MAN2A1: variants seen among roughly 807,000 people sequenced by gnomAD.
MAN2A1 encodes the protein mannosidase alpha class 2A member 1.
A neutral mutation model predicts 142.6 loss-of-function variants in MAN2A1; 76 were observed. The ratio of observed to expected loss-of-function variants is 0.53; its 90% CI spans 0.44 to 0.65. MAN2A1 has a LOEUF of 0.65. MAN2A1 is among the 30% of genes least tolerant of loss of function. The pLI is 0.00. For missense variants in MAN2A1, 1,311 were observed against 1,365.1 expected, an observed-to-expected ratio of 0.96 and a Z score of 0.62; for synonymous variants, 559 against 473.2, an observed-to-expected ratio of 1.18 and a Z score of -2.35.
chr5:109,763,027 G>T (rs1444513472), intron 5 of MAN2A1, among the ~76,000 whole-genome samples: 1 of 152,222 alleles, frequency 6.6e-6, no homozygotes, highest in African/African-American at 2.4e-5. Context: ...CCCTTACAGG[G>T]TTACAACAGA....
chr5:109,711,440 T>A (rs1450987143), intron 1 of MAN2A1, among the ~76,000 whole-genome samples: 1 of 69,092 alleles, frequency 1.4e-5, no homozygotes, highest in Non-Finnish European at 2.6e-5. Flanking sequence ...TATATACAGA[T>A]TCATCAACTG....
At chr5:109,763,634 G>A (rs1412770262) in intron 5 of MAN2A1, among the ~76,000 whole-genome samples, 1 of 152,034 alleles carries the variant, frequency 6.6e-6, no homozygotes, top group Non-Finnish European at 1.5e-5. Flanking sequence ...GGACATGGAT[G>A]AAATTGGAAA....
At chr5:109,800,016 A>T (rs969804216) in intron 12 of MAN2A1, among the ~76,000 whole-genome samples, 36 of 147,194 alleles carry the variant, frequency 2.4e-4, no homozygotes, top group Non-Finnish European at 1.5e-5. Flanking sequence ...TGAACCGGGG[A>T]GGTGGAGGTT....
At chr5:109,696,738 G>A (rs984384135) in intron 1 of MAN2A1, among the ~76,000 whole-genome samples, 2 of 152,204 alleles carry the variant, frequency 1.3e-5, no homozygotes, top group African/African-American at 4.8e-5. Context: ...TTGAAACTGT[G>A]TTGGCTGTGG....
intron 4 of MAN2A1, among the ~76,000 whole-genome samples, chr5:109,736,984 G>T (rs1561486247): frequency 6.6e-6 from 1 of 151,146 alleles, no homozygotes; most frequent in East Asian, 1.9e-4. Flanking sequence ...TTTGACTTAG[G>T]TATGTTAGAA....
chr5:109,755,534 T>C, intron 5 of MAN2A1, 78 bp downstream of exon 5: 2 of 1,123,378 alleles, frequency 1.8e-6, no homozygotes, highest in Non-Finnish European at 2.6e-6. Context: ...TCTGTTCTTT[T>C]TTCGAGTAAC....
intron 11 of MAN2A1, among the ~76,000 whole-genome samples, 184 bp from the exon 12 acceptor site, chr5:109,789,276 G>C (rs1753679160): frequency 6.6e-6 from 1 of 151,742 alleles, no homozygotes; most frequent in Non-Finnish European, 1.5e-5. Flanking sequence ...TAAGATGTTA[G>C]TAAGGCAACT....
At chr5:109,855,078 C>A in intron 19 of MAN2A1, 62 bp from the exon 20 acceptor site, 1 of 815,448 alleles carries the variant, frequency 1.2e-6, no homozygotes, top group South Asian at 3.1e-5. Context: ...TCAGATAATT[C>A]TGTTAATATG....
chr5:109,819,549 C>A, intron 13 of MAN2A1, 120 bp from the exon 14 acceptor site: 2 of 539,122 alleles, frequency 3.7e-6, no homozygotes, highest in Non-Finnish European at 6.4e-6. Flanking sequence ...ATATGGAGGG[C>A]CAACTGGATT....
chr5:109,865,111 G>A lies in MAN2A1; in HGVS notation c.3247G>A (p.Gly1083Ser), dbSNP rs1388122360. 6.2e-7 allele frequency: 1 copy of A among 1,613,884 alleles called. No homozygotes were observed. Among genetic ancestry groups the A allele is most frequent in the Non-Finnish European group, 8.5e-7 (1 of 1,179,938 alleles). Residue 1083 changes from glycine to serine, a missense_variant, in exon 21 of 22, where the codon GGC becomes AGC. Around this residue, in one of 3 missense-constraint regions of MAN2A1, gnomAD observed 890 missense variants for 920.5 expected, o/e 0.97. Coordinates refer to ENST00000261483, the MANE Select transcript of MAN2A1 (RefSeq NM_002372.4). ...KGFDCRFSSK[G>S]TGLFCSTTQG... is the part of the protein sequence containing the mutation. ...GTTTGATTGTCGGTTCTCTAGCAAA[G>A]GCACAGGGCTGTTTTGTTCTACTAC... is the stretch of plus-strand genomic sequence containing the variant.
chr5:109,691,073 G>C (rs1582789057), intron 1 of MAN2A1, among the ~76,000 whole-genome samples: 1 of 152,172 alleles, frequency 6.6e-6, no homozygotes, highest in Non-Finnish European at 1.5e-5. Flanking sequence ...TCGTGTTGCG[G>C]CCCTTTTAGA....
intron 12 of MAN2A1, among the ~76,000 whole-genome samples, chr5:109,809,180 A>G (rs1754254004): frequency 6.6e-6 from 1 of 152,176 alleles, no homozygotes; most frequent in Non-Finnish European, 1.5e-5. Flanking sequence ...TTGGTAAGTC[A>G]TCAAGTTATT....
intron 3 of MAN2A1, among the ~76,000 whole-genome samples, chr5:109,717,010 G>A (rs1405035136): frequency 6.7e-6 from 1 of 150,042 alleles, no homozygotes; most frequent in East Asian, 2.0e-4. Context: ...CATAGGATTT[G>A]ATATACATAT....
intron 12 of MAN2A1, among the ~76,000 whole-genome samples, chr5:109,801,304 A>C (rs1448863780): frequency 6.6e-6 from 1 of 152,156 alleles, no homozygotes; most frequent in Non-Finnish European, 1.5e-5. Flanking sequence ...TTTCGTCCAG[A>C]AAGAGGGATG....
rs1751541052 is a variant in MAN2A1 at position 109,719,372 on chromosome 5, TAACAA to T, written c.535+3111_535+3115del. Among the ~76,000 whole-genome samples the T allele has an allele frequency of 5.3e-5, 8 of 152,340 alleles. No homozygotes were observed. In the South Asian group the frequency reaches 1.4e-3, roughly 28 times the overall value. On this transcript the variant is annotated intron_variant, in intron 3 of 21. Coordinates refer to ENST00000261483, the MANE Select transcript of MAN2A1 (RefSeq NM_002372.4). ...TAATAATTTTCACTATTCCTTAACTTAACAAAAGTAAAATATTGACAAATAAATTA... is the reference window on the plus strand; with the variant it reads ...TAATAATTTTCACTATTCCTTAACTTAAGTAAAATATTGACAAATAAATTA...
In MAN2A1 at chr5:109,784,879, T is replaced by C; in HGVS notation, c.1713T>C (p.Ala571=). Reference sequence around the variant, plus strand: ...TGGGACTGTTTCAACATCATGATGCTATCACAGGAACTGCAAAAGACTGGG... The same window carrying C: ...TGGGACTGTTTCAACATCATGATGCCATCACAGGAACTGCAAAAGACTGGG... ...RNLGLFQHHD[A]ITGTAKDWVV... Residue 571 remains alanine (A), a synonymous_variant, in exon 10 of 22, where the codon GCT becomes GCC. Coordinates refer to ENST00000261483, the MANE Select transcript of MAN2A1 (RefSeq NM_002372.4). 1 of 1,611,316 alleles carries C rather than the reference T, an allele frequency of 6.2e-7. No individual in the cohort carries two copies. The highest frequency in any genetic ancestry group is 8.5e-7 in the Non-Finnish European group (1 of 1,178,886).
At position 109,784,736 on chromosome 5, in the gene MAN2A1, G is replaced by A. The variant is rs1301584349; in HGVS notation, c.1578-8G>A. On this transcript the variant is annotated splice_polypyrimidine_tract_variant and splice_region_variant and intron_variant, in intron 9 of 21. Transcript: ENST00000261483. ...TTTAAAATAAAAATATGACTTTTAT[G>A]CAATTAGGGCTGCTGAAATTCTTTA... 4 of 1,554,348 alleles carry A rather than the reference G, an allele frequency of 2.6e-6. No individual in the cohort carries two copies. The East Asian group carries it at 9.1e-5, about 35-fold the overall frequency.
chr5:109,866,175 G>A (rs951166238), intron 21 of MAN2A1, among the ~76,000 whole-genome samples: 1 of 152,096 alleles, frequency 6.6e-6, no homozygotes, highest in African/African-American at 2.4e-5. Context: ...TACTGTATTT[G>A]CACTCTATTG....
At chr5:109,837,761 A>G (rs996956121) in intron 16 of MAN2A1, among the ~76,000 whole-genome samples, 3 of 152,174 alleles carry the variant, frequency 2.0e-5, no homozygotes, top group Non-Finnish European at 4.4e-5. Context: ...GATAAATAAG[A>G]CATGGTCTCT....
Sources: gnomAD v4.1 joint callset for allele counts (sites outside exome capture counted in the v4.1 genomes callset) on GRCh38, gnomAD v4.1.1 for gene constraint, gnomAD v4.1.1 regional missense constraint, MANE v1.5 for transcripts, NCBI Gene and HGNC (gene_info 2026-07-23, HGNC 2026-07-21) for gene names.